Variants in RGS6 observed in about 807,000 individuals in gnomAD.
The protein encoded by RGS6 is regulator of G protein signaling 6, also known as regulator of G-protein signaling 6.
A neutral mutation model predicts 78.5 loss-of-function variants in RGS6; 30 were observed. The ratio of observed to expected loss-of-function variants is 0.38; its 90% CI spans 0.29 to 0.52. RGS6 has a LOEUF of 0.52. RGS6 is among the 20% of genes least tolerant of loss of function. The pLI is 0.85. For synonymous variants in RGS6, 206 were observed against 206.0 expected (o/e 1.00, Z 0.00); for missense variants, 495 against 609.7 (o/e 0.81, Z 1.98).
intron 2 of RGS6, among the ~76,000 whole-genome samples, chr14:72,202,641 T>G (rs1198612800): frequency 6.6e-6 from 1 of 152,106 alleles, no homozygotes; most frequent in South Asian, 2.1e-4. Flanking sequence ...ACTGCCCAGA[T>G]GTCCCCCAAA....
At chr14:72,128,805 G>A (rs575226185) in intron 2 of RGS6, among the ~76,000 whole-genome samples, 6 of 152,266 alleles carry the variant, frequency 3.9e-5, no homozygotes, top group African/African-American at 1.4e-4. Context: ...ATCCCACAAC[G>A]TATGCGTGTG....
chr14:72,597,050 C>T, the RGS6 span, among the ~76,000 whole-genome samples: 1 of 152,098 alleles, frequency 6.6e-6, no homozygotes, highest in Non-Finnish European at 1.5e-5. Flanking sequence ...ACCAGCCTGG[C>T]CAACATGGTG....
intron 17 of RGS6, among the ~76,000 whole-genome samples, chr14:72,556,418 C>T (rs909830683): frequency 1.3e-5 from 2 of 152,138 alleles, no homozygotes; most frequent in Non-Finnish European, 2.9e-5. Flanking sequence ...CACTAGTTCC[C>T]GCTCTCAACA....
chr14:72,621,107 C>G, the RGS6 span, among the ~76,000 whole-genome samples: 2 of 149,922 alleles, frequency 1.3e-5, no homozygotes, highest in Admixed American at 1.3e-4. Flanking sequence ...CACCACTGCA[C>G]TCCAGCCTGG....
At chr14:72,547,076 G>T in intron 17 of RGS6, 1 of 1,158,100 alleles carries the variant, frequency 8.6e-7, no homozygotes. Context: ...GGCAGAGAGT[G>T]AAGGGGAGTG....
chr14:72,457,643 G>C (rs949632630), intron 4 of RGS6, among the ~76,000 whole-genome samples: 5 of 152,208 alleles, frequency 3.3e-5, no homozygotes, highest in Admixed American at 6.5e-5. Context: ...CGAAGGAACA[G>C]ATTGACTGTG....
At chr14:72,239,179 T>G (rs1035359994) in intron 2 of RGS6, among the ~76,000 whole-genome samples, 1 of 152,144 alleles carries the variant, frequency 6.6e-6, no homozygotes, top group East Asian at 1.9e-4. Context: ...TTTCTAGGAT[T>G]CCCATGATTC....
chr14:72,385,218 G>A (rs1288820827), intron 3 of RGS6, among the ~76,000 whole-genome samples: 1 of 152,152 alleles, frequency 6.6e-6, no homozygotes, highest in Admixed American at 6.5e-5. Context: ...AAGCTTGGGT[G>A]TAATAGACAT....
chr14:72,137,416 C>T (rs946327311), intron 2 of RGS6, among the ~76,000 whole-genome samples: 1 of 152,210 alleles, frequency 6.6e-6, no homozygotes, highest in Non-Finnish European at 1.5e-5. Flanking sequence ...CACTGTCTAC[C>T]TGGAGATAGC....
chr14:72,401,358 G>C (rs1321958596), intron 3 of RGS6, among the ~76,000 whole-genome samples: 1 of 152,040 alleles, frequency 6.6e-6, no homozygotes, highest in Non-Finnish European at 1.5e-5. Context: ...CTTCAAAGCA[G>C]AGAGGAGAAT....
chr14:72,391,596 C>A (rs947384028), intron 3 of RGS6, among the ~76,000 whole-genome samples: 6 of 152,088 alleles, frequency 3.9e-5, no homozygotes, highest in Non-Finnish European at 8.8e-5. Flanking sequence ...ACATCTGTTA[C>A]ATATATGTAT....
intron 2 of RGS6, among the ~76,000 whole-genome samples, chr14:72,339,815 G>T (rs920444405): frequency 2.0e-4 from 30 of 152,154 alleles, no homozygotes; most frequent in African/African-American, 7.2e-4. Context: ...AACCAAAAAA[G>T]GGATCTTTGC....
chr14:72,085,853 C>CAAAAAAAA (rs35951230), intron 2 of RGS6, among the ~76,000 whole-genome samples: 1 of 72,748 alleles, frequency 1.4e-5, no homozygotes, highest in South Asian at 7.7e-4. Flanking sequence ...GACACCATCT[C>CAAAAAAAA]AAAAAAAAAA....
intron 2 of RGS6, among the ~76,000 whole-genome samples, chr14:72,133,041 A>T (rs1257861552): frequency 6.6e-6 from 1 of 152,162 alleles, no homozygotes; most frequent in Admixed American, 6.5e-5. Context: ...CACTGGGATG[A>T]CTTCCTCCAA....
chr14:72,113,365 C>T (rs2153553980), intron 2 of RGS6, among the ~76,000 whole-genome samples: 1 of 152,252 alleles, frequency 6.6e-6, no homozygotes, highest in African/African-American at 2.4e-5. Flanking sequence ...CTCCTGTTTC[C>T]TGATGGAGTG....
At chr14:71,959,469 A>G (rs2153031680) in intron 1 of RGS6, among the ~76,000 whole-genome samples, 1 of 152,332 alleles carries the variant, frequency 6.6e-6, no homozygotes, top group Non-Finnish European at 1.5e-5. Context: ...TCAGAGTTTG[A>G]TTGCTTCTCC....
intron 2 of RGS6, among the ~76,000 whole-genome samples, chr14:72,078,239 A>G (rs2094664497): frequency 6.6e-6 from 1 of 152,098 alleles, no homozygotes; most frequent in South Asian, 2.1e-4. Context: ...TGCACCGGCC[A>G]TGTAAGGTGA....
intron 2 of RGS6, among the ~76,000 whole-genome samples, chr14:72,348,260 A>G (rs1181460501): frequency 6.6e-6 from 1 of 152,252 alleles, no homozygotes; most frequent in Non-Finnish European, 1.5e-5. Context: ...GGAGTCAGGT[A>G]GAGGTGAGTA....
At chr14:72,447,649 T>C (rs2095398617) in intron 3 of RGS6, among the ~76,000 whole-genome samples, 1 of 152,196 alleles carries the variant, frequency 6.6e-6, no homozygotes, top group African/African-American at 2.4e-5. Context: ...TCAGGCACTC[T>C]GCATGGGTTC....
Sources: allele counts gnomAD v4.1 joint callset (sites outside exome capture counted in the v4.1 genomes callset), GRCh38; gene constraint gnomAD v4.1.1; transcripts MANE v1.5; gene names NCBI Gene and HGNC (gene_info 2026-07-23, HGNC 2026-07-21).